The following ACTR3 variants were observed in gnomAD, a reference collection of about 807,000 sequenced individuals.
ACTR3 encodes the protein actin related protein 3, also known as actin-related protein 3.
Under a neutral mutation model 56.8 loss-of-function variants are expected in ACTR3, and 12 were observed. The observed-to-expected ratio is 0.21, with a 90% CI of 0.14 to 0.34. The LOEUF is 0.34. Ranked by LOEUF, ACTR3 falls within the 10% of genes least tolerant of loss-of-function variation. ACTR3 has a pLI of 1.00. For synonymous variants in ACTR3, 162 were observed against 167.4 expected (o/e 0.97, Z 0.25); for missense variants, 282 against 512.5 (o/e 0.55, Z 4.34).
intron 1 of ACTR3, among the ~76,000 whole-genome samples, chr2:113,894,773 A>G (rs1241904341): frequency 6.6e-6 from 1 of 152,204 alleles, no homozygotes; most frequent in Non-Finnish European, 1.5e-5. Flanking sequence ...TATAAGTGAA[A>G]AAACAGAATG....
chr2:113,940,150 T>C (rs1679898592), intron 7 of ACTR3, 48 bp downstream of exon 7: 2 of 1,541,130 alleles, frequency 1.3e-6, no homozygotes, highest in Non-Finnish European at 8.8e-7. Flanking sequence ...TAAAATCACA[T>C]TTATAACATT....
intron 4 of ACTR3, among the ~76,000 whole-genome samples, chr2:113,928,992 T>C (rs989732385): frequency 6.6e-6 from 1 of 152,190 alleles, no homozygotes; most frequent in African/African-American, 2.4e-5. Context: ...TGAAACACTT[T>C]TACTTAGCAT....
chr2:113,951,441 T>C, intron 8 of ACTR3, 38 bp from the exon 9 acceptor site: 1 of 1,358,694 alleles, frequency 7.4e-7, no homozygotes, highest in East Asian at 2.3e-5. Flanking sequence ...TTGTCAGTAG[T>C]GATATGATCT....
At chr2:113,943,097 A>G (rs1276112279) in intron 8 of ACTR3, among the ~76,000 whole-genome samples, 2 of 152,240 alleles carry the variant, frequency 1.3e-5, no homozygotes, top group African/African-American at 2.4e-5. Context: ...CAAAGAATAA[A>G]AGAGATGAGT....
chr2:113,942,257 G>T lies in ACTR3; in HGVS notation c.756G>T (p.Trp252Cys). The change falls in exon 8 of 12, where the codon TGG becomes TGT. Residue 252 changes from tryptophan (W) to cysteine (C), a missense_variant. Coordinates refer to ENST00000263238, the MANE Select transcript of ACTR3 (RefSeq NM_005721.5). ...AGTATGATACAGATGGGTCAAAATGGATTAAACAGTATACTGGAATCAATG... is the reference window on the plus strand; with the variant it reads ...AGTATGATACAGATGGGTCAAAATGTATTAAACAGTATACTGGAATCAATG... ...FNKYDTDGSK[W>C]IKQYTGINAI... 1 of 1,606,206 alleles carries T rather than the reference G, an allele frequency of 6.2e-7. No individual in the cohort carries two copies. Among genetic ancestry groups the T allele is most frequent in the Non-Finnish European group, 8.5e-7 (1 of 1,176,882 alleles).
chr2:113,936,265 C>T (rs1212894260), intron 6 of ACTR3, among the ~76,000 whole-genome samples: 2 of 136,042 alleles, frequency 1.5e-5, no homozygotes, highest in Non-Finnish European at 3.0e-5. Flanking sequence ...TGCACTCTAG[C>T]TTCTCTAGCT....
intron 5 of ACTR3, 47 bp from the exon 6 acceptor site, chr2:113,934,232 G>GTTTTTTTTTTTTTTTTTTTTTTTTTT (rs5833524): frequency 1.2e-5 from 11 of 955,210 alleles, no homozygotes; most frequent in Middle Eastern, 2.5e-4. Context: ...TTGTTTTTTT[G>GTTTTTTTTTTTTTTTTTTTTTTTTTT]TTTTTTTTTT....
intron 3 of ACTR3, 152 bp downstream of exon 3, chr2:113,917,160 T>C: frequency 3.3e-6 from 2 of 597,552 alleles, no homozygotes; most frequent in East Asian, 6.9e-5. Context: ...TCCTTCCCTG[T>C]TGCTTTAACT....
chr2:113,923,239 ATATGTAACAGTTT>A (rs2104601779), intron 3 of ACTR3, among the ~76,000 whole-genome samples: 1 of 152,252 alleles, frequency 6.6e-6, no homozygotes, highest in African/African-American at 2.4e-5. Flanking sequence ...AAATCCAATT[ATATGTAACAGTTT>A]TCATCCTTCT....
At chr2:113,944,640 T>C (rs1331047992) in intron 8 of ACTR3, among the ~76,000 whole-genome samples, 2 of 146,706 alleles carry the variant, frequency 1.4e-5, no homozygotes, top group East Asian at 4.0e-4. Context: ...TGGGCGCCTG[T>C]AGTCCCAGCT....
intron 1 of ACTR3, among the ~76,000 whole-genome samples, chr2:113,909,653 C>T (rs1193838769): frequency 2.8e-5 from 4 of 142,158 alleles, no homozygotes; most frequent in African/African-American, 7.9e-5. Flanking sequence ...GCAGTGTGAG[C>T]GTAGATAATA....
rs1439580220 is a variant in ACTR3, at chr2:113,962,545, C to T, written c.*5090C>T. On this transcript the variant is annotated 3_prime_UTR_variant, in exon 12 of 12. Transcript: ENST00000263238. Reference sequence around the variant, plus strand: ...CTTATTTGGAATTATATTAGAAAGTCGATATCGGAATTGGAACCACACATC... The same window carrying T: ...CTTATTTGGAATTATATTAGAAAGTTGATATCGGAATTGGAACCACACATC... 1 of 150,822 alleles carries T rather than the reference C, an allele frequency of 6.6e-6. No homozygotes were observed. Among genetic ancestry groups the T allele is most frequent in the African/African-American group, 2.4e-5 (1 of 41,360 alleles). 9.3% of individuals were successfully genotyped at this position (150,822 alleles called of 1,614,324 possible). A position where few individuals can be genotyped will look rare whatever the true frequency, so the allele number is the denominator to read the frequency against.
At chr2:113,947,481 G>A (rs955279016) in intron 8 of ACTR3, among the ~76,000 whole-genome samples, 4 of 152,110 alleles carry the variant, frequency 2.6e-5, no homozygotes, top group Non-Finnish European at 4.4e-5. Flanking sequence ...GGAAGAGCCC[G>A]TCTCTACCAA....
chr2:113,954,649 C>T (rs114192092), intron 10 of ACTR3: 2 of 147,026 alleles, frequency 1.4e-5, no homozygotes, highest in Admixed American at 6.8e-5. Context: ...TTTTTTGATG[C>T]AGCCACATCT....
intron 2 of ACTR3, 83 bp downstream of exon 2, chr2:113,913,310 C>A: frequency 9.4e-7 from 1 of 1,060,208 alleles, no homozygotes; most frequent in Non-Finnish European, 1.4e-6. Context: ...GTAATCAGTT[C>A]TGAAATCCTA....
In ACTR3 at chr2:113,958,456, T is replaced by C. The variant is rs1445104300; in HGVS notation, c.*1001T>C. 4 of 152,580 alleles carry C rather than the reference T, an allele frequency of 2.6e-5. No individual in the cohort carries two copies. The highest frequency in any genetic ancestry group is 9.6e-5 in the African/African-American group (4 of 41,458). 9.5% of individuals were successfully genotyped at this position (152,580 alleles called of 1,614,324 possible). On this transcript the variant is annotated 3_prime_UTR_variant, in exon 12 of 12. Transcript: ENST00000263238. ...GATCTCCATTTGATATTTTCATTTG[T>C]ATAACTCATTTGCAGTCTGAAAATT...
At chr2:113,910,634 A>G (rs1268789004) in intron 1 of ACTR3, among the ~76,000 whole-genome samples, 2 of 152,310 alleles carry the variant, frequency 1.3e-5, no homozygotes, top group East Asian at 1.9e-4. Context: ...CAGAACACCC[A>G]GCTAGTGTCC....
intron 4 of ACTR3, among the ~76,000 whole-genome samples, chr2:113,928,911 T>C (rs1205798954): frequency 6.6e-6 from 1 of 152,176 alleles, no homozygotes; most frequent in Non-Finnish European, 1.5e-5. Context: ...CACTGTTTCT[T>C]TTTCATCTGA....
chr2:113,897,518 A>ATT (rs58363370), intron 1 of ACTR3, among the ~76,000 whole-genome samples: 18 of 98,898 alleles, frequency 1.8e-4, no homozygotes, highest in African/African-American at 4.5e-4. Flanking sequence ...GCCAGATGTT[A>ATT]TTTTTTTTTT....
Sources: gnomAD v4.1 joint callset for allele counts (sites outside exome capture counted in the v4.1 genomes callset) on GRCh38, gnomAD v4.1.1 for gene constraint, MANE v1.5 for transcripts, NCBI Gene and HGNC (gene_info 2026-07-23, HGNC 2026-07-21) for gene names.